The following SEMA5A variants were observed in gnomAD, a reference collection of about 807,000 sequenced individuals.
SEMA5A encodes the protein semaphorin-5A.
Under a neutral mutation model 135.5 loss-of-function variants are expected in SEMA5A, and 55 were observed. That is an observed-to-expected ratio of 0.41 (90% CI 0.33 to 0.51). The LOEUF (loss-of-function observed/expected upper bound fraction) is 0.51. Ranked by LOEUF, SEMA5A falls within the 20% of genes least tolerant of loss-of-function variation. The pLI, the probability that SEMA5A is intolerant of heterozygous loss-of-function variation, is 0.37. For synonymous variants in SEMA5A, 580 were observed against 546.5 expected (o/e 1.06, Z -0.85); for missense variants, 1,290 against 1,419.9 (o/e 0.91, Z 1.47).
intron 2 of SEMA5A, among the ~76,000 whole-genome samples, chr5:9,394,065 G>T (rs557264422): frequency 6.6e-6 from 1 of 152,046 alleles, no homozygotes; most frequent in Admixed American, 6.6e-5. Flanking sequence ...TTTTGAATTC[G>T]ATAAAAGTAA....
chr5:9,501,403 G>A (rs1275429920), intron 1 of SEMA5A, among the ~76,000 whole-genome samples: 2 of 152,190 alleles, frequency 1.3e-5, no homozygotes, highest in Admixed American at 1.3e-4. Context: ...GTATTTGTGT[G>A]TGTGCATGAA....
intron 3 of SEMA5A, among the ~76,000 whole-genome samples, chr5:9,378,442 T>C (rs1755459280): frequency 6.6e-6 from 1 of 152,210 alleles, no homozygotes; most frequent in Non-Finnish European, 1.5e-5. Context: ...CAGCTGGATA[T>C]GCTCTGCCTC....
chr5:9,093,128 T>C (rs995407450), intron 16 of SEMA5A, among the ~76,000 whole-genome samples: 2 of 152,104 alleles, frequency 1.3e-5, no homozygotes, highest in African/African-American at 4.8e-5. Context: ...CTAAGGTAAA[T>C]AAATTGTGAT....
intron 2 of SEMA5A, among the ~76,000 whole-genome samples, chr5:9,391,831 C>G (rs1272853479): frequency 2.6e-5 from 4 of 152,114 alleles, no homozygotes; most frequent in Admixed American, 2.6e-4. Context: ...TTTCCCTGTT[C>G]AAAAATTTCC....
intron 5 of SEMA5A, among the ~76,000 whole-genome samples, chr5:9,315,815 T>C (rs934211322): frequency 6.6e-6 from 1 of 152,212 alleles, no homozygotes; most frequent in Admixed American, 6.5e-5. Flanking sequence ...TATTTGGTCA[T>C]GGGCTATTTG....
chr5:9,133,474 T>C (rs1317067107), intron 13 of SEMA5A, among the ~76,000 whole-genome samples: 1 of 152,196 alleles, frequency 6.6e-6, no homozygotes, highest in African/African-American at 2.4e-5. Flanking sequence ...TAAAATACAT[T>C]GGGTGGGATG....
At chr5:9,237,947 T>C in intron 5 of SEMA5A, 57 bp from the exon 6 acceptor site, 2 of 1,539,890 alleles carry the variant, frequency 1.3e-6, no homozygotes, top group African/African-American at 1.4e-5. Context: ...AAAGGGAAAA[T>C]ATAAACAAGG....
chr5:9,425,740 C>T (rs950201671), intron 2 of SEMA5A, among the ~76,000 whole-genome samples: 12 of 152,146 alleles, frequency 7.9e-5, no homozygotes, highest in African/African-American at 2.4e-4. Context: ...CCTATAGCTG[C>T]TTTACTTTGC....
At chr5:9,405,508 G>A (rs1001971520) in intron 2 of SEMA5A, among the ~76,000 whole-genome samples, 1 of 152,180 alleles carries the variant, frequency 6.6e-6, no homozygotes, top group African/African-American at 2.4e-5. Flanking sequence ...GAAGGAGAGA[G>A]AAAGTGAGAA....
At chr5:9,307,674 C>A (rs1324485395) in intron 5 of SEMA5A, among the ~76,000 whole-genome samples, 1 of 152,058 alleles carries the variant, frequency 6.6e-6, no homozygotes, top group Non-Finnish European at 1.5e-5. Flanking sequence ...AAGGGACATA[C>A]AGATAAGGGA....
In SEMA5A at chr5:9,202,049, G is replaced by T; in HGVS notation, c.838C>A (p.Arg280Ser). 1 of 1,614,198 alleles carries T rather than the reference G, an allele frequency of 6.2e-7. No homozygotes were observed. Among genetic ancestry groups the T allele is most frequent in the Non-Finnish European group, 8.5e-7 (1 of 1,180,016 alleles). Residue 280 changes from arginine (R) to serine (S), a missense_variant, in exon 9 of 23, where the codon CGT becomes AGT. Arg to Ser is a moderately radical substitution (Grantham distance 110). Around this residue, in one of 3 missense-constraint regions of SEMA5A, gnomAD observed 1,029 missense variants for 1,086.6 expected, o/e 0.95. Transcript: ENST00000382496. ...TAGTAAAAGGGGACTTCCCCAGGAC[G>T]GGAGCAGTTCAGGCGAGCCTTCATG... ...TFMKARLNCS[R>S]PGEVPFYYNE...
chr5:9,088,659 T>TATATATATATATATATACACACAC lies in SEMA5A; in HGVS notation c.2073+19480_2073+19481insGTGTGTGTATATATATATATATAT. Among the ~76,000 whole-genome samples the TATATATATATATATATACACACAC allele has an allele frequency of 5.1e-4, 57 of 112,846 alleles. 2 individuals are homozygous for TATATATATATATATATACACACAC. Among genetic ancestry groups the TATATATATATATATATACACACAC allele is most frequent in the African/African-American group, 2.0e-3 (48 of 23,448 alleles). The allele number at this position is 112,846 out of a possible 152,430, so 74.0% of individuals were successfully genotyped here. A position where few individuals can be genotyped will look rare whatever the true frequency, so the allele number is the denominator to read the frequency against. The stretch of plus-strand genomic sequence containing the variant: ...TATAATATATATATATATATATATA[T>TATATATATATATATATACACACAC]ACACACACACACTCATGGAATTCCA... On this transcript the variant is annotated intron_variant, in intron 16 of 22. Coordinates refer to ENST00000382496, the MANE Select transcript of SEMA5A (RefSeq NM_003966.3).
At chr5:9,145,813 T>C (rs1045148452) in intron 12 of SEMA5A, among the ~76,000 whole-genome samples, 2 of 150,608 alleles carry the variant, frequency 1.3e-5, no homozygotes, top group East Asian at 3.9e-4. Flanking sequence ...TTTTTTTTTT[T>C]TTTGTATTTT....
At chr5:9,065,572 A>G (rs1351257885) in intron 17 of SEMA5A, among the ~76,000 whole-genome samples, 1 of 152,230 alleles carries the variant, frequency 6.6e-6, no homozygotes, top group Non-Finnish European at 1.5e-5. Context: ...CAGATCTAAG[A>G]ATGGCCACAA....
intron 8 of SEMA5A, among the ~76,000 whole-genome samples, chr5:9,220,767 G>C (rs559179779): frequency 6.6e-6 from 1 of 152,118 alleles, no homozygotes; most frequent in African/African-American, 2.4e-5. Context: ...AAGAAACTTC[G>C]AGGCAACAAT....
At chr5:9,438,159 C>CCAGTCTGAAATTATCTAAAG (rs1758101375) in intron 1 of SEMA5A, among the ~76,000 whole-genome samples, 2 of 152,144 alleles carry the variant, frequency 1.3e-5, no homozygotes, top group African/African-American at 4.8e-5. Context: ...ATTATCTTAA[C>CCAGTCTGAAATTATCTAAAG]CAGTCTGAAA....
chr5:9,498,561 G>T (rs1735416078), intron 1 of SEMA5A: 1 of 152,152 alleles, frequency 6.6e-6, no homozygotes, highest in South Asian at 2.1e-4. Flanking sequence ...TGATCATTGA[G>T]GGACCATCAT....
chr5:9,197,234 G>C lies in SEMA5A; in HGVS notation c.1002C>G (p.Pro334=), dbSNP rs1032605103. Residue 334 remains proline (P), a synonymous_variant, in exon 10 of 23, where the codon CCC becomes CCG. Transcript: ENST00000382496. ...LSAIAQAFSG[P]FKYQENSRSA... Reference sequence around the variant, plus strand: ...AGCGCGAGTTTTCTTGGTACTTGAAGGGCCCAGAGAAGGCCTGCGCGATGG... The same window carrying C: ...AGCGCGAGTTTTCTTGGTACTTGAACGGCCCAGAGAAGGCCTGCGCGATGG... The C allele has an allele frequency of 1.5e-5, 24 of 1,614,116 alleles. No individual in the cohort carries two copies. Among genetic ancestry groups the C allele is most frequent in the Non-Finnish European group, 2.0e-5 (24 of 1,180,056 alleles).
intron 3 of SEMA5A, among the ~76,000 whole-genome samples, chr5:9,357,352 C>T (rs930749947): frequency 3.3e-5 from 5 of 152,170 alleles, no homozygotes; most frequent in African/African-American, 1.2e-4. Context: ...CTATTTTCAT[C>T]CACAGAGGAA....
Sources: gnomAD v4.1 joint callset for allele counts (sites outside exome capture counted in the v4.1 genomes callset) on GRCh38, gnomAD v4.1.1 for gene constraint, gnomAD v4.1.1 regional missense constraint, MANE v1.5 for transcripts, NCBI Gene and HGNC (gene_info 2026-07-23, HGNC 2026-07-21) for gene names.